The following ANKRD6 variants were observed in gnomAD, a reference collection of about 807,000 sequenced individuals.
The protein encoded by ANKRD6 is ankyrin repeat domain 6.
ANKRD6 carries 56 observed loss-of-function variants against 82.3 expected under a neutral mutation model. The observed-to-expected ratio is 0.68, with a 90% CI of 0.55 to 0.85. The LOEUF (loss-of-function observed/expected upper bound fraction) is 0.85, where lower values mean the gene tolerates loss of function less well. Ranked by LOEUF, ANKRD6 falls within the 40% of genes least tolerant of loss-of-function variation. The pLI is 0.00. For synonymous variants in ANKRD6, 347 were observed against 352.1 expected, an observed-to-expected ratio of 0.99 and a Z score of 0.16; for missense variants, 852 against 907.6, an observed-to-expected ratio of 0.94 and a Z score of 0.79.
chr6:89,459,677 A>G lies in ANKRD6; in HGVS notation c.-144+26302A>G, dbSNP rs370143410. Among the ~76,000 whole-genome samples, 361 of 152,226 alleles carry G rather than the reference A, an allele frequency of 2.4e-3. 1 individual carries two copies. Among genetic ancestry groups the G allele is most frequent in the African/African-American group, 8.4e-3 (350 of 41,552 alleles). ...CCACCATGCTCAGCTAATTTTAAAA[A>G]ATATTTTTAGAGATAGAGTCTTGCT... On this transcript the variant is annotated intron_variant, in intron 1 of 15. Coordinates refer to ENST00000339746, the MANE Select transcript of ANKRD6 (RefSeq NM_001242809.2).
At chr6:89,488,924 T>TATTCTATTCTATTCC (rs1777707275) in intron 1 of ANKRD6, among the ~76,000 whole-genome samples, 1 of 150,168 alleles carries the variant, frequency 6.7e-6, no homozygotes, top group Non-Finnish European at 1.5e-5. Context: ...TATTCTATTC[T>TATTCTATTCTATTCC]AGTTCATTCT....
intron 1 of ANKRD6, among the ~76,000 whole-genome samples, chr6:89,512,370 A>G (rs1780655397): frequency 6.6e-6 from 1 of 152,244 alleles, no homozygotes; most frequent in Non-Finnish European, 1.5e-5. Flanking sequence ...GTTAAGTGTC[A>G]TACAGATTTG....
At chr6:89,608,368 C>CACACACTATATATATATATATATA in intron 5 of ANKRD6, among the ~76,000 whole-genome samples, 1 of 130,750 alleles carries the variant, frequency 7.6e-6, no homozygotes, top group African/African-American at 3.1e-5. Context: ...CACACACACA[C>CACACACTATATATATATATATATA]TATATATATA....
intron 1 of ANKRD6, among the ~76,000 whole-genome samples, chr6:89,486,394 T>C (rs1020912717): frequency 2.0e-5 from 3 of 152,142 alleles, no homozygotes; most frequent in African/African-American, 7.2e-5. Flanking sequence ...GTACACTCTA[T>C]GATGTTCTCA....
intron 1 of ANKRD6, among the ~76,000 whole-genome samples, chr6:89,558,977 A>C (rs1787015262): frequency 6.6e-6 from 1 of 152,236 alleles, no homozygotes. Context: ...AGAAAGAGAA[A>C]GCCGTGCATA....
intron 1 of ANKRD6, among the ~76,000 whole-genome samples, chr6:89,482,219 C>G (rs781630212): frequency 6.6e-5 from 10 of 152,168 alleles, no homozygotes; most frequent in Non-Finnish European, 1.5e-4. Context: ...CAAATTATAT[C>G]AGCAGCTTTT....
chr6:89,603,723 C>T (rs564956307), intron 4 of ANKRD6, among the ~76,000 whole-genome samples: 4 of 152,166 alleles, frequency 2.6e-5, no homozygotes, highest in Non-Finnish European at 4.4e-5. Context: ...CAGTGGCTCA[C>T]GCCTGTAATC....
chr6:89,624,389 T>A, intron 12 of ANKRD6, 150 bp from the exon 13 acceptor site: 1 of 1,052,280 alleles, frequency 9.5e-7, no homozygotes, highest in Non-Finnish European at 1.4e-6. Context: ...AAATTTGGCC[T>A]ATAAGATGTT....
At chr6:89,528,400 CTCAT>C (rs1349853691) in intron 1 of ANKRD6, among the ~76,000 whole-genome samples, 2 of 152,328 alleles carry the variant, frequency 1.3e-5, no homozygotes, top group Non-Finnish European at 2.9e-5. Flanking sequence ...GAAGGAACTC[CTCAT>C]TCATTCAAGT....
intron 1 of ANKRD6, among the ~76,000 whole-genome samples, chr6:89,503,383 G>A (rs1463689492): frequency 6.6e-6 from 1 of 152,180 alleles, no homozygotes; most frequent in Non-Finnish European, 1.5e-5. Context: ...TGGTTCGGGT[G>A]TTTATTTTAT....
intron 1 of ANKRD6, among the ~76,000 whole-genome samples, chr6:89,553,251 C>T (rs1258753491): frequency 1.3e-5 from 2 of 152,184 alleles, no homozygotes; most frequent in Admixed American, 6.5e-5. Context: ...CCAGAAGAGT[C>T]AGAAACACCA....
chr6:89,600,883 A>T (rs1021230814), intron 3 of ANKRD6, among the ~76,000 whole-genome samples: 5 of 151,232 alleles, frequency 3.3e-5, no homozygotes, highest in East Asian at 3.9e-4. Flanking sequence ...TAAAAATATA[A>T]AAAAAAAATT....
intron 1 of ANKRD6, among the ~76,000 whole-genome samples, chr6:89,452,624 A>G (rs1446402348): frequency 6.6e-6 from 1 of 152,078 alleles, no homozygotes; most frequent in African/African-American, 2.4e-5. Context: ...AAATAAATAA[A>G]TTTTTTTGAA....
chr6:89,543,568 C>T (rs893442110), intron 1 of ANKRD6, among the ~76,000 whole-genome samples: 2 of 152,186 alleles, frequency 1.3e-5, no homozygotes, highest in African/African-American at 4.8e-5. Flanking sequence ...CCCCAGCACC[C>T]GCCTGTGGCC....
At chr6:89,578,765 G>A (rs374715176) in intron 2 of ANKRD6, among the ~76,000 whole-genome samples, 1 of 152,182 alleles carries the variant, frequency 6.6e-6, no homozygotes, top group East Asian at 1.9e-4. Flanking sequence ...GCTCTGCCAA[G>A]CTAGTGCTCT....
intron 4 of ANKRD6, among the ~76,000 whole-genome samples, chr6:89,605,173 G>A (rs912923903): frequency 2.2e-4 from 34 of 152,212 alleles, no homozygotes; most frequent in African/African-American, 8.2e-4. Flanking sequence ...CTTGAGGTCA[G>A]GAGTTCAAGA....
intron 1 of ANKRD6, among the ~76,000 whole-genome samples, chr6:89,471,595 AGGTATGTGTTTATCTGTGTGTTAGTG>A (rs1775482787): frequency 6.6e-6 from 1 of 150,770 alleles, no homozygotes; most frequent in African/African-American, 2.4e-5. Context: ...GGAAGGAAAT[AGGTATGTGTTTATCTGTGTGTTAGTG>A]TGTATGTGTG....
In ANKRD6 at chr6:89,617,968, G is replaced by A. The variant is rs185503513; in HGVS notation, c.729G>A (p.Pro243=). The A allele has an allele frequency of 2.4e-5, 38 of 1,613,994 alleles. No individual in the cohort carries two copies. The highest frequency in any genetic ancestry group is 1.7e-4 in the Middle Eastern group (1 of 6,058). ...TTIVNNAGQT[P]LETARYHNNP... is the part of the protein sequence containing the mutation. ...CCTCTCCTCAGGCAGGCCAGACTCC[G>A]CTGGAGACTGCCCGCTACCACAATA... Residue 243 remains proline (P), a synonymous_variant, in exon 9 of 16, where the codon CCG becomes CCA. Coordinates refer to ENST00000339746, the MANE Select transcript of ANKRD6 (RefSeq NM_001242809.2).
At chr6:89,536,435 T>C (rs1204247282) in intron 1 of ANKRD6, among the ~76,000 whole-genome samples, 2 of 152,198 alleles carry the variant, frequency 1.3e-5, no homozygotes, top group African/African-American at 2.4e-5. Flanking sequence ...TGAGGCACTA[T>C]TGAGAAGAAA....
Sources: allele counts gnomAD v4.1 joint callset (sites outside exome capture counted in the v4.1 genomes callset), GRCh38; gene constraint gnomAD v4.1.1; transcripts MANE v1.5; gene names NCBI Gene and HGNC (gene_info 2026-07-23, HGNC 2026-07-21).